Variants in SLCO1B1 observed in about 807,000 individuals in gnomAD.
SLCO1B1 encodes the protein OATP-2.
SLCO1B1 carries 81 observed loss-of-function variants against 70.1 expected under a neutral mutation model. That is an observed-to-expected ratio of 1.16 (90% CI 0.97 to 1.39). SLCO1B1 has a LOEUF of 1.39. Among genes scored for constraint, SLCO1B1 ranks in the 40% most tolerant of loss-of-function variants. SLCO1B1 has a pLI of 0.00. For missense variants in SLCO1B1, 895 were observed against 799.6 expected (o/e 1.12, Z -1.44); for synonymous variants, 283 against 271.5 (o/e 1.04, Z -0.42).
intron 2 of SLCO1B1, among the ~76,000 whole-genome samples, chr12:21,163,449 G>C (rs1940646596): frequency 6.6e-6 from 1 of 152,054 alleles, no homozygotes; most frequent in African/African-American, 2.4e-5. Context: ...GGTGTTATTT[G>C]TTTGTTCAGA....
chr12:21,136,970 C>G lies in SLCO1B1; in HGVS notation c.-61-4544C>G, dbSNP rs59674994. On this transcript the variant is annotated intron_variant, in intron 1 of 14. Coordinates refer to ENST00000256958, the MANE Select transcript of SLCO1B1 (RefSeq NM_006446.5). Reference sequence around the variant, plus strand: ...TTCTCATCTTTGTGGTTTCATCTATCTTTGGTCTTTGATGATGGTGACGTA... The same window carrying G: ...TTCTCATCTTTGTGGTTTCATCTATGTTTGGTCTTTGATGATGGTGACGTA... Among the ~76,000 whole-genome samples the G allele has an allele frequency of 7.5e-3, 1,148 of 152,170 alleles. 10 individuals are homozygous for G. Among genetic ancestry groups the G allele is most frequent in the African/African-American group, 0.026 (1,076 of 41,504 alleles).
In SLCO1B1 at chr12:21,178,995, C is replaced by A; in HGVS notation, c.702C>A (p.Tyr234Ter). The A allele has an allele frequency of 3.1e-6, 5 of 1,608,290 alleles. No homozygotes were observed. The highest frequency in any genetic ancestry group is 4.3e-6 in the Non-Finnish European group (5 of 1,175,244). The stretch of plus-strand genomic sequence containing the variant: ...TGGGATCTCTGTTTTCTAAAATGTA[C>A]GTGGATATTGGATATGTAGATCTAA... ...FTLGSLFSKM[Y>*]VDIGYVDLST... Residue 234 changes from tyrosine (Y) to a stop codon, truncating the protein, a stop_gained, in exon 7 of 15, where the codon TAC becomes TAA. Transcript: ENST00000256958. LOFTEE classifies it high-confidence loss of function.
intron 1 of SLCO1B1, among the ~76,000 whole-genome samples, chr12:21,133,437 CATG>C: frequency 6.6e-6 from 1 of 152,306 alleles, no homozygotes; most frequent in East Asian, 1.9e-4. Flanking sequence ...TGGCCATTTT[CATG>C]ATATTGATTC....
At chr12:21,233,268 A>C (rs1941560697) in intron 14 of SLCO1B1, among the ~76,000 whole-genome samples, 1 of 152,094 alleles carries the variant, frequency 6.6e-6, no homozygotes, top group Admixed American at 6.5e-5. Flanking sequence ...TGACCAGACA[A>C]ATAATGAGGG....
rs560356057 is a variant in SLCO1B1 at position 21,187,377 on chromosome 12, A to G, written c.727+8357A>G. Among the ~76,000 whole-genome samples, 21 of 152,248 alleles carry G rather than the reference A, an allele frequency of 1.4e-4. No homozygotes were observed. The South Asian group carries it at 4.1e-3, about 30-fold the overall frequency. ...CAATGCCTTGTTCCTGAAGACAGGA[A>G]GTAGCTTGACAGTAAGGGACTGCCT... On this transcript the variant is annotated intron_variant, in intron 7 of 14. Transcript: ENST00000256958.
At chr12:21,187,668 GAAA>G (rs34413949) in intron 7 of SLCO1B1, among the ~76,000 whole-genome samples, 1 of 149,408 alleles carries the variant, frequency 6.7e-6, no homozygotes, top group African/African-American at 2.5e-5. Context: ...TTGTTATAGG[GAAA>G]AAAAAAAGTG....
chr12:21,215,668 T>C (rs533202785), intron 11 of SLCO1B1, among the ~76,000 whole-genome samples: 12 of 152,200 alleles, frequency 7.9e-5, no homozygotes, highest in Non-Finnish European at 1.6e-4. Flanking sequence ...GTTTTTGATG[T>C]TGTTGTTGTT....
At chr12:21,226,233 A>G (rs7966037) in intron 14 of SLCO1B1, among the ~76,000 whole-genome samples, 51,339 of 151,322 alleles carry the variant, frequency 0.34, 8,997 homozygotes, top group East Asian at 0.45. Context: ...GGACAACATG[A>G]CAAAACCCTG....
chr12:21,188,922 A>G (rs761222884), intron 7 of SLCO1B1, among the ~76,000 whole-genome samples: 5 of 152,144 alleles, frequency 3.3e-5, no homozygotes, highest in Non-Finnish European at 5.9e-5. Flanking sequence ...AGTTCATCCA[A>G]GTTATCACAT....
intron 1 of SLCO1B1, among the ~76,000 whole-genome samples, chr12:21,137,490 C>A (rs920067940): frequency 1.3e-5 from 2 of 152,206 alleles, no homozygotes; most frequent in South Asian, 4.1e-4. Context: ...CCAGTTCGAG[C>A]TTCCCAGCCG....
intron 5 of SLCO1B1, among the ~76,000 whole-genome samples, chr12:21,178,021 G>T (rs1321617248): frequency 6.6e-6 from 1 of 152,138 alleles, no homozygotes; most frequent in African/African-American, 2.4e-5. Context: ...GATCTTCTGT[G>T]TGTAATGTGA....
chr12:21,202,388 G>A, intron 9 of SLCO1B1, 103 bp from the exon 10 acceptor site: 1 of 765,246 alleles, frequency 1.3e-6, no homozygotes, highest in East Asian at 2.7e-5. Flanking sequence ...TTAAAAAGAA[G>A]CAATAATATT....
intron 7 of SLCO1B1, among the ~76,000 whole-genome samples, chr12:21,189,760 A>G (rs1443802958): frequency 3.3e-5 from 5 of 151,978 alleles, no homozygotes; most frequent in Non-Finnish European, 5.9e-5. Flanking sequence ...ATAAAATTGT[A>G]TTTTTATCAT....
chr12:21,146,713 GTAGT>G (rs1246925556), intron 2 of SLCO1B1, among the ~76,000 whole-genome samples: 1 of 151,800 alleles, frequency 6.6e-6, no homozygotes, highest in Admixed American at 6.6e-5. Context: ...TAAAAGTGTG[GTAGT>G]TAATCTCCAC....
At chr12:21,135,783 T>G (rs1940212287) in intron 1 of SLCO1B1, among the ~76,000 whole-genome samples, 1 of 152,216 alleles carries the variant, frequency 6.6e-6, no homozygotes, top group African/African-American at 2.4e-5. Flanking sequence ...CTTGACTCTT[T>G]ATCCAATTTG....
intron 2 of SLCO1B1, among the ~76,000 whole-genome samples, chr12:21,167,241 G>T (rs959059551): frequency 1.3e-5 from 2 of 152,180 alleles, no homozygotes; most frequent in South Asian, 4.1e-4. Context: ...TACATTCAAG[G>T]ATATGACATT....
intron 13 of SLCO1B1, 135 bp from the exon 14 acceptor site, chr12:21,224,587 A>G: frequency 1.5e-6 from 1 of 659,028 alleles, no homozygotes; most frequent in South Asian, 1.8e-5. Context: ...TATTGGGTAG[A>G]TGCAGAACAA....
At position 21,200,537 on chromosome 12, in the gene SLCO1B1, A is replaced by T. The variant is rs77871475; in HGVS notation, c.1000A>T (p.Thr334Ser). The T allele has an allele frequency of 6.3e-7, 1 of 1,591,516 alleles. No individual in the cohort carries two copies. Among genetic ancestry groups the T allele is most frequent in the Non-Finnish European group, 8.6e-7 (1 of 1,167,600 alleles). ...GFFQSFKSILTNPLYVMFVLL... is the reference protein window; with the variant it reads ...GFFQSFKSILSNPLYVMFVLL... ...TTTCCAGTCTTTTAAAAGCATCCTT[A>T]CTAATCCCCTGTATGTTATGTTTGT... Residue 334 changes from threonine to serine, a missense_variant, in exon 9 of 15, where the codon ACT becomes TCT. Coordinates refer to ENST00000256958, the MANE Select transcript of SLCO1B1 (RefSeq NM_006446.5).
intron 2 of SLCO1B1, among the ~76,000 whole-genome samples, chr12:21,164,659 C>G (rs955722391): frequency 1.4e-4 from 21 of 152,114 alleles, no homozygotes; most frequent in African/African-American, 4.8e-4. Context: ...AATAATATTT[C>G]TGTTTTTCAA....
Sources: gnomAD v4.1 joint callset for allele counts (sites outside exome capture counted in the v4.1 genomes callset) on GRCh38, gnomAD v4.1.1 for gene constraint, MANE v1.5 for transcripts, NCBI Gene and HGNC (gene_info 2026-07-23, HGNC 2026-07-21) for gene names.